The following FIRRM variants were observed in gnomAD, a reference collection of about 807,000 sequenced individuals.
FIRRM encodes the protein FIGNL1 interacting regulator of recombination and mitosis.
the FIRRM span, among the ~76,000 whole-genome samples, chr1:169,813,179 G>A: frequency 6.6e-6 from 1 of 152,178 alleles, no homozygotes; most frequent in Admixed American, 6.5e-5. Flanking sequence ...AACTTGGGTG[G>A]TGGAACAACC....
At chr1:169,838,502 T>C in the FIRRM span, among the ~76,000 whole-genome samples, 3 of 152,238 alleles carry the variant, frequency 2.0e-5, no homozygotes, top group South Asian at 6.2e-4. Flanking sequence ...TTTTATTTTA[T>C]TTTTTGAGAT....
the FIRRM span, among the ~76,000 whole-genome samples, chr1:169,810,052 C>G: frequency 2.0e-5 from 3 of 152,170 alleles, no homozygotes; most frequent in Admixed American, 6.5e-5. Context: ...AAAATGGCCC[C>G]TTGTTGCTGC....
At chr1:169,814,736 A>G in the FIRRM span, among the ~76,000 whole-genome samples, 4 of 152,236 alleles carry the variant, frequency 2.6e-5, no homozygotes, top group African/African-American at 9.6e-5. Flanking sequence ...CAGTGTTAAT[A>G]CATATACAAA....
chr1:169,794,113 T>C, the FIRRM span, among the ~76,000 whole-genome samples: 1 of 151,610 alleles, frequency 6.6e-6, no homozygotes, highest in African/African-American at 2.4e-5. Context: ...AAATCAACTA[T>C]AAAAACAAAC....
chr1:169,853,409 T>C, the FIRRM span: 1 of 377,810 alleles, frequency 2.6e-6, no homozygotes, highest in Non-Finnish European at 4.7e-6. Flanking sequence ...TCCAGAATTG[T>C]CCTGGAAAAA....
chr1:169,813,040 T>C, the FIRRM span, among the ~76,000 whole-genome samples: 1 of 152,144 alleles, frequency 6.6e-6, no homozygotes, highest in Non-Finnish European at 1.5e-5. Flanking sequence ...AAAAGAAACA[T>C]AGCCAATCAA....
the FIRRM span, among the ~76,000 whole-genome samples, chr1:169,837,673 A>G: frequency 6.6e-6 from 1 of 152,170 alleles, no homozygotes; most frequent in African/African-American, 2.4e-5. Context: ...TTTATGTGCC[A>G]CTTTGTTCTA....
chr1:169,849,518 C>T, the FIRRM span: 1 of 1,613,852 alleles, frequency 6.2e-7, no homozygotes, highest in Non-Finnish European at 8.5e-7. Context: ...TCTGCCCAAC[C>T]TGTCCTGTAT....
chr1:169,822,074 T>G, the FIRRM span, among the ~76,000 whole-genome samples: 1 of 152,150 alleles, frequency 6.6e-6, no homozygotes, highest in Non-Finnish European at 1.5e-5. Flanking sequence ...ACAAGCAGCA[T>G]AGTTAGAGAA....
the FIRRM span, among the ~76,000 whole-genome samples, chr1:169,797,074 A>G: frequency 2.0e-5 from 3 of 152,252 alleles, no homozygotes; most frequent in Admixed American, 6.5e-5. Context: ...TGCAAAGTTC[A>G]TAAAGGCAGG....
chr1:169,795,700 C>T, the FIRRM span: 1 of 986,388 alleles, frequency 1.0e-6, no homozygotes, highest in Non-Finnish European at 1.2e-6. Context: ...AATTAAAGGG[C>T]ATAGTTCTGT....
At chr1:169,805,871 CT>C in the FIRRM span, 1 of 631,186 alleles carries the variant, frequency 1.6e-6, no homozygotes, top group Non-Finnish European at 2.8e-6. Flanking sequence ...TTTGACACAA[CT>C]GTTTCCAAGT....
the FIRRM span, among the ~76,000 whole-genome samples, chr1:169,797,546 GT>G: frequency 7.3e-5 from 11 of 151,364 alleles, no homozygotes; most frequent in African/African-American, 2.7e-4. Flanking sequence ...AGGACTATGG[GT>G]TTTTTTTTGT....
chr1:169,795,471 C>T, the FIRRM span: 2 of 1,262,688 alleles, frequency 1.6e-6, no homozygotes, highest in Non-Finnish European at 2.0e-6. Flanking sequence ...GTGGATGTGG[C>T]GTTTTCTTCC....
At chr1:169,803,386 A>G in the FIRRM span, 327 of 1,331,698 alleles carry the variant, frequency 2.5e-4, no homozygotes, top group Middle Eastern at 1.4e-3. Context: ...ATGTTTGTAT[A>G]AGATTTTACA....
chr1:169,850,315 TAAG>T, the FIRRM span: 1 of 1,611,526 alleles, frequency 6.2e-7, no homozygotes, highest in South Asian at 1.1e-5. Flanking sequence ...CTGAAGAAAC[TAAG>T]AACAAAGTTG....
At chr1:169,831,501 C>T in the FIRRM span, among the ~76,000 whole-genome samples, 1 of 152,278 alleles carries the variant, frequency 6.6e-6, no homozygotes, top group African/African-American at 2.4e-5. Flanking sequence ...TCTATGTCTC[C>T]ATGGCTGATG....
chr1:169,821,903 G>T, the FIRRM span: 5 of 494,232 alleles, frequency 1.0e-5, no homozygotes, highest in South Asian at 2.0e-4. Flanking sequence ...GTAAGGCTGG[G>T]ATTTAAGTAC....
the FIRRM span, among the ~76,000 whole-genome samples, chr1:169,803,775 G>T: frequency 6.6e-6 from 1 of 152,144 alleles, no homozygotes; most frequent in Non-Finnish European, 1.5e-5. Flanking sequence ...TATTTGTTGG[G>T]CGAATGAAAA....
Sources: allele counts gnomAD v4.1 joint callset (sites outside exome capture counted in the v4.1 genomes callset), GRCh38; gene constraint gnomAD v4.1.1; transcripts MANE v1.5; gene names NCBI Gene and HGNC (gene_info 2026-07-23, HGNC 2026-07-21).